The following PRKAR1A variants were observed in gnomAD, a reference collection of about 807,000 sequenced individuals.
PRKAR1A encodes cAMP-dependent protein kinase type I-alpha regulatory subunit.
PRKAR1A carries 3 observed loss-of-function variants against 52.0 expected under a neutral mutation model. That is an observed-to-expected ratio of 0.06 (90% CI 0.03 to 0.15). The LOEUF (loss-of-function observed/expected upper bound fraction) is 0.15. Among genes scored for constraint, PRKAR1A ranks in the 10% least tolerant of loss-of-function variants. PRKAR1A has a pLI of 1.00. For missense variants in PRKAR1A, 240 were observed against 477.4 expected (o/e 0.50, Z 4.63); for synonymous variants, 188 against 168.4 (o/e 1.12, Z -0.90).
At chr17:68,424,584 C>T in the PRKAR1A span, 3 of 502,058 alleles carry the variant, frequency 6.0e-6, no homozygotes, top group Non-Finnish European at 1.2e-5. Flanking sequence ...TTGGCCCAAA[C>T]ACTACTTCCG....
chr17:68,478,446 G>T, the PRKAR1A span, among the ~76,000 whole-genome samples: 1 of 152,086 alleles, frequency 6.6e-6, no homozygotes, highest in Non-Finnish European at 1.5e-5. Flanking sequence ...GTGAGACTTC[G>T]TCTCAAAAAC....
the PRKAR1A span, among the ~76,000 whole-genome samples, chr17:68,502,755 G>GAAAAAAAAAAAAAAAAAAAAAAAAAAA: frequency 1.2e-5 from 1 of 86,292 alleles, no homozygotes; most frequent in Non-Finnish European, 2.3e-5. Context: ...TTCATCTCAG[G>GAAAAAAAAAAAAAAAAAAAAAAAAAAA]AAAAAAAAAA....
downstream of PRKAR1A, chr17:68,535,402 G>A (rs957081582): frequency 4.6e-5 from 21 of 453,968 alleles, no homozygotes; most frequent in South Asian, 1.2e-4. Context: ...AGGAGGTGGC[G>A]GGTTTTGAGG....
At chr17:68,461,347 C>T in the PRKAR1A span, among the ~76,000 whole-genome samples, 1 of 152,302 alleles carries the variant, frequency 6.6e-6, no homozygotes, top group Non-Finnish European at 1.5e-5. The surrounding 1 kb of genome is among the most constrained non-coding windows in gnomAD (Gnocchi z 4.6). Flanking sequence ...TTGCAGGCCA[C>T]AGTTCATCTA....
At chr17:68,457,277 A>C in the PRKAR1A span, 1 of 1,521,774 alleles carries the variant, frequency 6.6e-7, no homozygotes, top group Non-Finnish European at 8.8e-7. Flanking sequence ...TGCTCTCAGG[A>C]CGACACCCCT....
chr17:68,516,993 G>A (rs1403906015), intron 2 of PRKAR1A, among the ~76,000 whole-genome samples: 3 of 152,310 alleles, frequency 2.0e-5, no homozygotes, highest in Non-Finnish European at 4.4e-5. Flanking sequence ...CATTAAGTGT[G>A]TATCTTTTTA....
the PRKAR1A span, among the ~76,000 whole-genome samples, chr17:68,478,602 A>G: frequency 7.6e-6 from 1 of 132,012 alleles, no homozygotes; most frequent in Non-Finnish European, 1.7e-5. Context: ...ATGACCATTT[A>G]GAAATATGTG....
the PRKAR1A span, among the ~76,000 whole-genome samples, chr17:68,433,777 T>TTTTTTTTG: frequency 4.3e-3 from 274 of 63,650 alleles, 4 homozygotes; most frequent in African/African-American, 0.013. Flanking sequence ...TTTTTTTTTT[T>TTTTTTTTG]TTTTTTTTTT....
the PRKAR1A span, among the ~76,000 whole-genome samples, chr17:68,445,455 G>A: frequency 1.3e-5 from 2 of 152,184 alleles, no homozygotes; most frequent in Non-Finnish European, 2.9e-5. Flanking sequence ...CTCCAGGCCT[G>A]CTTTTGGGCC....
intron 3 of PRKAR1A, 22 bp downstream of exon 3, chr17:68,522,948 C>CG (rs1387435672): frequency 2.5e-6 from 4 of 1,611,812 alleles, no homozygotes; most frequent in Non-Finnish European, 3.4e-6. Flanking sequence ...ATTTGAATAT[C>CG]GGGGGGATGC....
the PRKAR1A span, among the ~76,000 whole-genome samples, chr17:68,503,995 G>C: frequency 6.6e-6 from 1 of 152,160 alleles, no homozygotes; most frequent in African/African-American, 2.4e-5. Flanking sequence ...TCCTCAGAAA[G>C]CTAATAATAA....
intron 2 of PRKAR1A, among the ~76,000 whole-genome samples, chr17:68,519,325 C>G (rs539902509): frequency 6.6e-6 from 1 of 152,122 alleles, no homozygotes; most frequent in Admixed American, 6.5e-5. Flanking sequence ...GGGCAGGCCT[C>G]GGGAAGCTAC....
intron 11 of PRKAR1A, among the ~76,000 whole-genome samples, chr17:68,546,947 C>G (rs569693619): frequency 6.6e-6 from 1 of 151,950 alleles, no homozygotes; most frequent in East Asian, 1.9e-4. Flanking sequence ...CCTCGGACAT[C>G]TCCAGCAGAG....
At chr17:68,543,661 G>T in intron 11 of PRKAR1A, 2 of 1,614,158 alleles carry the variant, frequency 1.2e-6, no homozygotes, top group Non-Finnish European at 1.7e-6. Context: ...TCTCAGCATT[G>T]TGTCTCTGAA....
At chr17:68,435,683 C>T in the PRKAR1A span, 1 of 1,614,214 alleles carries the variant, frequency 6.2e-7, no homozygotes, top group Non-Finnish European at 8.5e-7. Flanking sequence ...CTAGTGTTCC[C>T]TCATGGGCAG....
downstream of PRKAR1A, chr17:68,537,427 C>A: frequency 6.2e-7 from 1 of 1,612,434 alleles, no homozygotes. The surrounding 1 kb of genome is among the most constrained non-coding windows in gnomAD (Gnocchi z 4.2). Flanking sequence ...GCACTCGAGT[C>A]GACTGCTCTG....
the PRKAR1A span, chr17:68,433,628 C>T: frequency 1.4e-6 from 2 of 1,421,798 alleles, no homozygotes; most frequent in Non-Finnish European, 2.0e-6. Context: ...GGAGTTATGG[C>T]CTTATAACTC....
chr17:68,451,219 C>T, the PRKAR1A span, among the ~76,000 whole-genome samples: 1 of 152,296 alleles, frequency 6.6e-6, no homozygotes, highest in South Asian at 2.1e-4. Context: ...TCACTTGAGG[C>T]CAGGAGTTCA....
chr17:68,420,534 AC>A, the PRKAR1A span: 1 of 1,521,798 alleles, frequency 6.6e-7, no homozygotes, highest in Non-Finnish European at 9.0e-7. Flanking sequence ...TTTCATTTTT[AC>A]CCTCTTTACA....
Sources: gnomAD v4.1 joint callset for allele counts (sites outside exome capture counted in the v4.1 genomes callset) on GRCh38, gnomAD v4.1.1 for gene constraint, Gnocchi (gnomAD v3.1) non-coding constraint, MANE v1.5 for transcripts, NCBI Gene and HGNC (gene_info 2026-07-23, HGNC 2026-07-21) for gene names.